The following BOLL variants were observed in gnomAD, a reference collection of about 807,000 sequenced individuals.
BOLL encodes the protein protein boule-like.
BOLL carries 23 observed loss-of-function variants against 44.4 expected under a neutral mutation model. The observed-to-expected ratio is 0.52, with a 90% CI of 0.37 to 0.73. The LOEUF (loss-of-function observed/expected upper bound fraction) is 0.73. Ranked by LOEUF, BOLL falls within the 30% of genes least tolerant of loss-of-function variation. The pLI is 0.00. For missense variants in BOLL, 287 were observed against 338.3 expected (o/e 0.85, Z 1.19); for synonymous variants, 97 against 110.8 (o/e 0.88, Z 0.78).
At chr2:197,761,083 G>A (rs765485162) in intron 7 of BOLL, among the ~76,000 whole-genome samples, 7 of 152,112 alleles carry the variant, frequency 4.6e-5, no homozygotes, top group African/African-American at 7.2e-5. Flanking sequence ...TGCTTTGGGA[G>A]ACTAAGGCAG....
intron 9 of BOLL, among the ~76,000 whole-genome samples, chr2:197,753,238 G>T (rs1054447101): frequency 5.9e-5 from 9 of 151,322 alleles, no homozygotes; most frequent in African/African-American, 2.2e-4. Flanking sequence ...CAGGACATAG[G>T]CATGACTAAA....
intron 10 of BOLL, among the ~76,000 whole-genome samples, chr2:197,739,351 C>T (rs1687636333): frequency 6.6e-6 from 1 of 152,052 alleles, no homozygotes. Flanking sequence ...AACCTTGAAC[C>T]TTTGGGCTCA....
At chr2:197,748,928 G>A (rs1407762205) in intron 9 of BOLL, among the ~76,000 whole-genome samples, 2 of 152,244 alleles carry the variant, frequency 1.3e-5, no homozygotes, top group Non-Finnish European at 2.9e-5. Context: ...TGACACCTGT[G>A]CCTCCTGACT....
At chr2:197,756,320 A>T in intron 9 of BOLL, 108 bp downstream of exon 9, 1 of 1,061,734 alleles carries the variant, frequency 9.4e-7, no homozygotes, top group Non-Finnish European at 1.3e-6. Context: ...AACAAAACAA[A>T]GATGAAGCAG....
intron 10 of BOLL, among the ~76,000 whole-genome samples, chr2:197,737,248 AT>A (rs1238163338): frequency 6.6e-6 from 1 of 151,944 alleles, no homozygotes; most frequent in African/African-American, 2.4e-5. Context: ...GCCATATTCA[AT>A]TTTTTTTCAC....
intron 10 of BOLL, among the ~76,000 whole-genome samples, chr2:197,730,885 C>T (rs971004630): frequency 6.6e-6 from 1 of 151,980 alleles, no homozygotes; most frequent in African/African-American, 2.4e-5. Flanking sequence ...ACCATCGAGA[C>T]TAGGAAGAAA....
intron 5 of BOLL, 130 bp downstream of exon 5, chr2:197,775,535 C>T: frequency 3.1e-6 from 2 of 634,980 alleles, no homozygotes; most frequent in Non-Finnish European, 4.9e-6. Flanking sequence ...AGTTTTTCCA[C>T]CAACTTTGCT....
At position 197,771,851 on chromosome 2, in the gene BOLL, T is replaced by C; in HGVS notation, c.480+4A>G. ...GAAATCCTTTTTTAAATGAAATTAC[T>C]TACAGGCCAAGGCGGTGGGACCGAA... On this transcript the variant is annotated splice_donor_region_variant and intron_variant, in intron 6 of 10. Transcript: ENST00000392296. 1 of 1,562,046 alleles carries C rather than the reference T, an allele frequency of 6.4e-7. No individual in the cohort carries two copies. Among genetic ancestry groups the C allele is most frequent in the African/African-American group, 1.4e-5 (1 of 71,970 alleles).
Position 197,762,839 on chromosome 2 carries a change from GC to G in BOLL, c.552+3692del, listed in dbSNP as rs1278574189. Among the ~76,000 whole-genome samples, 29 of 152,168 alleles carry G rather than the reference GC, an allele frequency of 1.9e-4. 1 individual carries two copies. Among genetic ancestry groups the G allele is most frequent in the African/African-American group, 6.5e-4 (27 of 41,534 alleles). On this transcript the variant is annotated intron_variant, in intron 7 of 10. Coordinates refer to ENST00000392296, the MANE Select transcript of BOLL (RefSeq NM_033030.6). The stretch of plus-strand genomic sequence containing the variant: ...CTAGGAACTAGAAGAGCAAGAACAA[GC>G]TAAACCCAAAATTAGTAGAAGAAAA...
chr2:197,760,119 C>T (rs1688686709), intron 7 of BOLL, among the ~76,000 whole-genome samples: 1 of 152,196 alleles, frequency 6.6e-6, no homozygotes. Flanking sequence ...GGCATGATCC[C>T]AGGCCGACCA....
At chr2:197,775,498 ATATAT>A (rs1479859403) in intron 5 of BOLL, among the ~76,000 whole-genome samples, 162 bp downstream of exon 5, 3 of 151,666 alleles carry the variant, frequency 2.0e-5, no homozygotes, top group Non-Finnish European at 4.4e-5. Flanking sequence ...AAAAATTGAG[ATATAT>A]TATTTTGTGG....
intron 7 of BOLL, among the ~76,000 whole-genome samples, chr2:197,760,670 G>T (rs1178943066): frequency 2.0e-5 from 3 of 152,028 alleles, no homozygotes; most frequent in African/African-American, 7.3e-5. Context: ...CTAGGTCACT[G>T]AGAAACTTGG....
rs760884201 is a variant in BOLL, at chr2:197,756,478, C to G, written c.679G>C (p.Gly227Arg). 30 of 1,612,358 alleles carry G rather than the reference C, an allele frequency of 1.9e-5. No individual in the cohort carries two copies. The East Asian group carries it at 6.7e-4, about 36-fold the overall frequency. ...GACAGTGGAGGAGGAACACATCCAC[C>G]ATCCTGTGCAATTTCCACTGGTTGA... ...IYQPVEIAQD[G>R]GCVPPPLSLM... The change falls in exon 9 of 11, where the codon GGT (glycine) becomes CGT (arginine). Residue 227 changes from glycine (G) to arginine (R), a missense_variant. Transcript: ENST00000392296.
intron 5 of BOLL, chr2:197,773,928 G>A (rs1689385474): frequency 2.6e-6 from 1 of 379,176 alleles, no homozygotes; most frequent in South Asian, 2.1e-5. Context: ...TGGTAATGGA[G>A]ATGGAAAGAA....
At chr2:197,729,622 G>A (rs1002500314) in intron 10 of BOLL, among the ~76,000 whole-genome samples, 3 of 152,320 alleles carry the variant, frequency 2.0e-5, no homozygotes, top group Admixed American at 1.3e-4. Flanking sequence ...ATCTGAGAAC[G>A]GGCAGACTGC....
At chr2:197,773,372 A>C (rs1027137928) in intron 5 of BOLL, among the ~76,000 whole-genome samples, 3 of 151,970 alleles carry the variant, frequency 2.0e-5, no homozygotes, top group African/African-American at 7.2e-5. Flanking sequence ...TGATACAGCA[A>C]AAAATAAAAA....
chr2:197,746,682 A>G (rs948132473), intron 9 of BOLL, among the ~76,000 whole-genome samples: 1 of 152,118 alleles, frequency 6.6e-6, no homozygotes, highest in Admixed American at 6.6e-5. Context: ...CAGGCGGATC[A>G]TGAGGTCAAG....
intron 7 of BOLL, among the ~76,000 whole-genome samples, chr2:197,765,281 A>G (rs1274870164): frequency 6.6e-6 from 1 of 152,074 alleles, no homozygotes; most frequent in African/African-American, 2.4e-5. Context: ...TCACCATTAA[A>G]GAACTTACTC....
chr2:197,735,987 T>A (rs1332178325), intron 10 of BOLL, among the ~76,000 whole-genome samples: 2 of 152,126 alleles, frequency 1.3e-5, no homozygotes, highest in African/African-American at 4.8e-5. Context: ...GATCTTCACT[T>A]CAAGGATTTA....
Sources: allele counts gnomAD v4.1 joint callset (sites outside exome capture counted in the v4.1 genomes callset), GRCh38; gene constraint gnomAD v4.1.1; transcripts MANE v1.5; gene names NCBI Gene and HGNC (gene_info 2026-07-23, HGNC 2026-07-21).